The following ANGPT2 variants were observed in gnomAD, a reference collection of about 807,000 sequenced individuals.
ANGPT2 encodes angiopoietin-2.
ANGPT2 carries 28 observed loss-of-function variants against 62.9 expected under a neutral mutation model. That is an observed-to-expected ratio of 0.44 (90% CI 0.33 to 0.61). ANGPT2 has a LOEUF of 0.61. ANGPT2 is among the 20% of genes least tolerant of loss of function. ANGPT2 has a pLI of 0.03. For synonymous variants in ANGPT2, 284 were observed against 207.8 expected, an observed-to-expected ratio of 1.37 and a Z score of -3.15; for missense variants, 727 against 594.9, an observed-to-expected ratio of 1.22 and a Z score of -2.31.
At chr8:6,535,553 C>T (rs1481656229) in intron 1 of ANGPT2, among the ~76,000 whole-genome samples, 3 of 152,066 alleles carry the variant, frequency 2.0e-5, no homozygotes, top group South Asian at 2.1e-4. Flanking sequence ...TACAAATACA[C>T]ATGATGTGTG....
At chr8:6,509,591 G>T (rs1001787639) in intron 7 of ANGPT2, among the ~76,000 whole-genome samples, 1 of 152,042 alleles carries the variant, frequency 6.6e-6, no homozygotes, top group African/African-American at 2.4e-5. Context: ...GTATAGTAGG[G>T]TAATGTAATT....
chr8:6,540,058 C>T (rs1471129491), intron 1 of ANGPT2, among the ~76,000 whole-genome samples: 1 of 152,174 alleles, frequency 6.6e-6, no homozygotes, highest in Non-Finnish European at 1.5e-5. Context: ...ATTAATAGTC[C>T]ATGCCTCTCC....
At chr8:6,514,628 A>AT in intron 6 of ANGPT2, 49 bp downstream of exon 6, 1 of 1,537,130 alleles carries the variant, frequency 6.5e-7, no homozygotes, top group African/African-American at 1.4e-5. Flanking sequence ...CTTGAAAGCT[A>AT]TTTTTCACAA....
rs1460347250 is a variant in ANGPT2, at chr8:6,501,767, G to T, written c.*1334C>A. The T allele has an allele frequency of 6.6e-6, 1 of 151,976 alleles. No individual in the cohort carries two copies. Among genetic ancestry groups the T allele is most frequent in the Non-Finnish European group, 1.5e-5 (1 of 68,032 alleles). 9.4% of individuals were successfully genotyped at this position (151,976 alleles called of 1,614,324 possible). A position where few individuals can be genotyped will look rare whatever the true frequency, so the allele number is the denominator to read the frequency against. On this transcript the variant is annotated 3_prime_UTR_variant, in exon 9 of 9. Transcript: ENST00000629816. ...AGACAGGGTTTCACCATGTTGTCCA[G>T]GCTGGTCTTGAACTCCTGACCTCAG...
chr8:6,552,775 G>C (rs756209896), intron 1 of ANGPT2, among the ~76,000 whole-genome samples: 13 of 151,478 alleles, frequency 8.6e-5, no homozygotes, highest in Non-Finnish European at 1.6e-4. Flanking sequence ...AGTTAATTAA[G>C]GCAAGAGATC....
At chr8:6,544,711 A>G (rs1006843339) in intron 1 of ANGPT2, among the ~76,000 whole-genome samples, 14 of 152,202 alleles carry the variant, frequency 9.2e-5, no homozygotes, top group Admixed American at 2.6e-4. Context: ...ATGGCACTCT[A>G]AGAAGGAATT....
intron 5 of ANGPT2, among the ~76,000 whole-genome samples, chr8:6,516,629 A>G (rs991311766): frequency 3.3e-5 from 5 of 152,334 alleles, no homozygotes; most frequent in African/African-American, 4.8e-5. Flanking sequence ...TTAAAAATCT[A>G]TTTCATAAAC....
In ANGPT2 at chr8:6,499,869, A is replaced by G; in HGVS notation, c.*3232T>C. 6.2e-7 allele frequency: 1 copy of G among 1,613,330 alleles called. No individual in the cohort carries two copies. Among genetic ancestry groups the G allele is most frequent in the Middle Eastern group, 1.8e-4 (1 of 5,458 alleles). ...ACTTGCAGGTGCTATGGTCTTTAGA[A>G]TTGGGTCACTGGATTTCTGAGGAGC... On this transcript the variant is annotated 3_prime_UTR_variant, in exon 9 of 9. Coordinates refer to ENST00000629816, the MANE Select transcript of ANGPT2 (RefSeq NM_001118887.2).
rs185046339 is a variant in ANGPT2 at position 6,515,573 on chromosome 8, A to T, written c.928-795T>A. On this transcript the variant is annotated intron_variant, in intron 5 of 8. Coordinates refer to ENST00000629816, the MANE Select transcript of ANGPT2 (RefSeq NM_001118887.2). Reference sequence around the variant, plus strand: ...ATTCTTTCTTAAGCTAAGCGCATGCATGCTCAATTTCAACTCAGCTGGAGT... The same window carrying T: ...ATTCTTTCTTAAGCTAAGCGCATGCTTGCTCAATTTCAACTCAGCTGGAGT... 1.6e-4 allele frequency among the ~76,000 whole-genome samples: 24 copies of T among 152,362 alleles called. No homozygotes were observed. The East Asian group carries it at 4.4e-3, about 28-fold the overall frequency.
In ANGPT2 at chr8:6,562,924, A is replaced by G. The variant is rs1373363316; in HGVS notation, c.11T>C (p.Ile4Thr). 3.8e-6 allele frequency: 6 copies of G among 1,588,028 alleles called. No individual in the cohort carries two copies. Among genetic ancestry groups the G allele is most frequent in the Non-Finnish European group, 5.2e-6 (6 of 1,159,584 alleles). The change falls in exon 1 of 9, where the codon ATT (isoleucine) becomes ACT (threonine). Residue 4 changes from isoleucine to threonine, a missense_variant. Transcript: ENST00000629816. MWQ[I>T]VFFTLSCDLV... ...ATCACAGCTCAGAGTAAAGAAAACAATCTGCCACATTCTTTCTTCAGTAAT... is the reference window on the plus strand; with the variant it reads ...ATCACAGCTCAGAGTAAAGAAAACAGTCTGCCACATTCTTTCTTCAGTAAT...
chr8:6,541,140 T>C (rs1472207423), intron 1 of ANGPT2, among the ~76,000 whole-genome samples: 1 of 152,220 alleles, frequency 6.6e-6, no homozygotes, highest in East Asian at 1.9e-4. Flanking sequence ...TGAGATGTCC[T>C]GAAGAGCAAG....
chr8:6,512,043 A>G (rs191203491), intron 7 of ANGPT2, among the ~76,000 whole-genome samples: 1 of 151,964 alleles, frequency 6.6e-6, no homozygotes, highest in Admixed American at 6.6e-5. Flanking sequence ...TCAAGTTGGA[A>G]CTGCTGTGAG....
intron 1 of ANGPT2, among the ~76,000 whole-genome samples, chr8:6,553,766 C>T (rs1281344829): frequency 1.3e-5 from 2 of 152,128 alleles, no homozygotes; most frequent in African/African-American, 4.8e-5. Context: ...TTCCCCATCC[C>T]CTTTTGGGAC....
chr8:6,513,645 A>T (rs1815651573), intron 7 of ANGPT2, 33 bp downstream of exon 7: 1 of 1,582,406 alleles, frequency 6.3e-7, no homozygotes, highest in Non-Finnish European at 8.6e-7. Flanking sequence ...AAATCTTTTA[A>T]TTTTTTCTTT....
chr8:6,536,632 A>G (rs1382507704), intron 1 of ANGPT2, among the ~76,000 whole-genome samples: 1 of 152,192 alleles, frequency 6.6e-6, no homozygotes, highest in Non-Finnish European at 1.5e-5. Flanking sequence ...TTTTAGAGGT[A>G]CAGAAAGACT....
intron 1 of ANGPT2, among the ~76,000 whole-genome samples, chr8:6,557,281 T>G (rs1269449199): frequency 1.3e-5 from 2 of 152,224 alleles, no homozygotes; most frequent in East Asian, 1.9e-4. Context: ...GCCCCGTGTT[T>G]ATAAGGGACT....
intron 1 of ANGPT2, among the ~76,000 whole-genome samples, chr8:6,553,020 C>G (rs531655008): frequency 6.6e-6 from 1 of 152,264 alleles, no homozygotes; most frequent in African/African-American, 2.4e-5. Context: ...CTGTGTGATG[C>G]TACAATGGTG....
rs200119549 is a variant in ANGPT2 at position 6,503,209 on chromosome 8, T to A, written c.1380A>T (p.Pro460=). ...TGAACTTATTTGTGTTCTGCCTCTG[T>A]GGATAGTACATTCCGTTCAAGTTGG... ...GPSNLNGMYY[P]QRQNTNKFNG... Residue 460 remains proline, a synonymous_variant, in exon 9 of 9, where the codon CCA becomes CCT. Coordinates refer to ENST00000629816, the MANE Select transcript of ANGPT2 (RefSeq NM_001118887.2). 2.5e-6 allele frequency: 4 copies of A among 1,614,198 alleles called. No individual in the cohort carries two copies. The highest frequency in any genetic ancestry group is 1.7e-5 in the Admixed American group (1 of 60,022).
At chr8:6,532,639 T>A in intron 1 of ANGPT2, 152 bp from the exon 2 acceptor site, 1 of 645,902 alleles carries the variant, frequency 1.5e-6, no homozygotes, top group Non-Finnish European at 2.4e-6. Flanking sequence ...ATCTTACTAT[T>A]TTTTTTTATC....
Sources: gnomAD v4.1 joint callset for allele counts (sites outside exome capture counted in the v4.1 genomes callset) on GRCh38, gnomAD v4.1.1 for gene constraint, MANE v1.5 for transcripts, NCBI Gene and HGNC (gene_info 2026-07-23, HGNC 2026-07-21) for gene names.